The following RFX3 variants were observed in gnomAD, a reference collection of about 807,000 sequenced individuals.
RFX3 encodes transcription factor RFX3.
A neutral mutation model predicts 98.6 loss-of-function variants in RFX3; 14 were observed. The ratio of observed to expected loss-of-function variants is 0.14; its 90% CI spans 0.09 to 0.22. The LOEUF (loss-of-function observed/expected upper bound fraction) is 0.22, where lower values mean the gene tolerates loss of function less well. Ranked by LOEUF, RFX3 falls within the 10% of genes least tolerant of loss-of-function variation. RFX3 has a pLI of 1.00. For synonymous variants in RFX3, 383 were observed against 328.4 expected (o/e 1.17, Z -1.80); for missense variants, 639 against 926.9 (o/e 0.69, Z 4.03).
chr9:3,519,949 T>A (rs920633738), intron 1 of RFX3, among the ~76,000 whole-genome samples: 69 of 149,940 alleles, frequency 4.6e-4, no homozygotes, highest in African/African-American at 1.7e-3. Flanking sequence ...AAAAAAAAAA[T>A]TGAAATGTTT....
At chr9:3,508,051 A>G (rs1817283301) in intron 1 of RFX3, among the ~76,000 whole-genome samples, 1 of 152,020 alleles carries the variant, frequency 6.6e-6, no homozygotes, top group African/African-American at 2.4e-5. Context: ...GGCAATGAGG[A>G]ATCCTGAAAA....
At chr9:3,454,339 C>T (rs1393133980) in intron 1 of RFX3, among the ~76,000 whole-genome samples, 2 of 152,160 alleles carry the variant, frequency 1.3e-5, no homozygotes, top group African/African-American at 4.8e-5. Flanking sequence ...TTGAATGCAA[C>T]TTCAGATATG....
chr9:3,324,782 G>T (rs1831719963), intron 4 of RFX3, among the ~76,000 whole-genome samples: 1 of 152,026 alleles, frequency 6.6e-6, no homozygotes, highest in African/African-American at 2.4e-5. Flanking sequence ...GGCAAACATG[G>T]TGAAACACCG....
intron 4 of RFX3, among the ~76,000 whole-genome samples, chr9:3,314,752 C>A (rs780370973): frequency 6.6e-6 from 1 of 151,570 alleles, no homozygotes; most frequent in Non-Finnish European, 1.5e-5. Flanking sequence ...AGACTTTAAA[C>A]CACAAAGACC....
At chr9:3,256,923 T>C in intron 14 of RFX3, 68 bp downstream of exon 14, 2 of 1,406,000 alleles carry the variant, frequency 1.4e-6, no homozygotes, top group South Asian at 2.4e-5. Context: ...CAGAAGCATA[T>C]ACAAACACAT....
chr9:3,377,542 C>A (rs1265100172), intron 2 of RFX3, among the ~76,000 whole-genome samples: 1 of 151,968 alleles, frequency 6.6e-6, no homozygotes, highest in Non-Finnish European at 1.5e-5. Context: ...ACATATGTAA[C>A]AAAACTGCAC....
At chr9:3,493,753 G>C (rs1301691307) in intron 1 of RFX3, among the ~76,000 whole-genome samples, 1 of 143,740 alleles carries the variant, frequency 7.0e-6, no homozygotes, top group East Asian at 2.0e-4. Flanking sequence ...ACACTGGCTG[G>C]TTATCCTATA....
At chr9:3,504,480 T>TA (rs1316678988) in intron 1 of RFX3, among the ~76,000 whole-genome samples, 1 of 128,902 alleles carries the variant, frequency 7.8e-6, no homozygotes, top group Non-Finnish European at 1.6e-5. Context: ...ATATTGTATA[T>TA]AAAATATATA....
intron 1 of RFX3, among the ~76,000 whole-genome samples, chr9:3,424,506 C>A (rs563492346): frequency 3.3e-5 from 5 of 151,328 alleles, no homozygotes; most frequent in Admixed American, 6.6e-5. Context: ...GGACTACAGG[C>A]GCCCGCCACC....
chr9:3,271,769 T>G (rs1016476388), intron 9 of RFX3, among the ~76,000 whole-genome samples: 5 of 152,140 alleles, frequency 3.3e-5, no homozygotes, highest in African/African-American at 1.2e-4. Flanking sequence ...AGGGCTGAAT[T>G]AGCTTTGTCT....
At chr9:3,451,525 CAG>C (rs899650259) in intron 1 of RFX3, among the ~76,000 whole-genome samples, 2 of 152,062 alleles carry the variant, frequency 1.3e-5, no homozygotes, top group East Asian at 1.9e-4. Context: ...GCCTGGGCAA[CAG>C]AGAGAGTCTC....
At chr9:3,510,307 T>C (rs1266515132) in intron 1 of RFX3, among the ~76,000 whole-genome samples, 1 of 151,686 alleles carries the variant, frequency 6.6e-6, no homozygotes, top group African/African-American at 2.4e-5. Flanking sequence ...GGTTATAAGA[T>C]ACAGATCATT....
intron 1 of RFX3, among the ~76,000 whole-genome samples, chr9:3,398,255 T>C (rs1022553672): frequency 6.6e-6 from 1 of 151,968 alleles, no homozygotes; most frequent in Non-Finnish European, 1.5e-5. Context: ...AGAGGACCAA[T>C]AGTTCTCAAA....
chr9:3,304,977 T>C (rs1039816871), intron 4 of RFX3, among the ~76,000 whole-genome samples: 12 of 151,978 alleles, frequency 7.9e-5, no homozygotes, highest in African/African-American at 2.4e-4. Context: ...AACTCTCTAC[T>C]TGGAAAAAAT....
At chr9:3,428,676 C>G (rs1245274612) in intron 1 of RFX3, among the ~76,000 whole-genome samples, 4 of 152,092 alleles carry the variant, frequency 2.6e-5, no homozygotes, top group Admixed American at 6.5e-5. Flanking sequence ...GCCACACAAC[C>G]AACAGAATAT....
intron 1 of RFX3, chr9:3,469,016 G>T: frequency 3.0e-6 from 1 of 329,448 alleles, no homozygotes; most frequent in Non-Finnish European, 6.0e-6. Flanking sequence ...TCTCTAATTA[G>T]TGTAGCCAAA....
chr9:3,466,859 C>T lies in RFX3; in HGVS notation c.-9+58888G>A, dbSNP rs367946148. 9.9e-5 allele frequency among the ~76,000 whole-genome samples: 15 copies of T among 151,456 alleles called. 1 individual carries two copies. The highest frequency in any genetic ancestry group is 3.4e-4 in the African/African-American group (14 of 41,260). On this transcript the variant is annotated intron_variant, in intron 1 of 16. Coordinates refer to ENST00000617270, the MANE Select transcript of RFX3 (RefSeq NM_001282116.2). ...CAGAATAATCCAGTTTACTACCATC[C>T]TTGGATCTTTTATTTACAAATACTT...
chr9:3,503,460 G>A (rs761582537), intron 1 of RFX3, among the ~76,000 whole-genome samples: 4 of 151,576 alleles, frequency 2.6e-5, no homozygotes, highest in South Asian at 2.1e-4. Flanking sequence ...GAATAGCCTC[G>A]AATACTGTGA....
At chr9:3,369,012 G>C (rs562533405) in intron 2 of RFX3, among the ~76,000 whole-genome samples, 13 of 152,150 alleles carry the variant, frequency 8.5e-5, no homozygotes, top group African/African-American at 2.4e-4. Context: ...ATAAGGATTT[G>C]GTGAAGGAAA....
Sources: gnomAD v4.1 joint callset for allele counts (sites outside exome capture counted in the v4.1 genomes callset) on GRCh38, gnomAD v4.1.1 for gene constraint, MANE v1.5 for transcripts, NCBI Gene and HGNC (gene_info 2026-07-23, HGNC 2026-07-21) for gene names.